Variants in PTPDC1 observed in about 807,000 individuals in gnomAD.
PTPDC1 encodes the protein protein tyrosine phosphatase domain containing 1.
Under a neutral mutation model 75.3 loss-of-function variants are expected in PTPDC1, and 53 were observed. That is an observed-to-expected ratio of 0.70 (90% CI 0.56 to 0.88). PTPDC1 has a LOEUF of 0.88. Among genes scored for constraint, PTPDC1 ranks in the 40% least tolerant of loss-of-function variants. The pLI is 0.00. For missense variants in PTPDC1, 925 were observed against 998.6 expected (o/e 0.93, Z 0.99); for synonymous variants, 349 against 366.2 (o/e 0.95, Z 0.54).
At position 94,087,892 on chromosome 9, in the gene PTPDC1, A is replaced by G; in HGVS notation, c.478A>G (p.Ile160Val). ...PSSELLEKYH[I>V]IDQFLSHGIK... ...CTCTGAGCTCCTGGAGAAGTACCAC[A>G]TCATTGATCAGTTCCTCAGGTAAAT... is the stretch of plus-strand genomic sequence containing the variant. The change falls in exon 3 of 9, where the codon ATC becomes GTC. Residue 160 changes from isoleucine (I) to valine (V), a missense_variant. Ile to Val is a conservative substitution (Grantham distance 29). Transcript: ENST00000620992. 6.2e-7 allele frequency: 1 copy of G among 1,613,722 alleles called. No individual in the cohort carries two copies. Among genetic ancestry groups the G allele is most frequent in the Non-Finnish European group, 8.5e-7 (1 of 1,179,632 alleles).
intron 2 of PTPDC1, among the ~76,000 whole-genome samples, chr9:94,067,049 A>G (rs1826332122): frequency 6.6e-6 from 1 of 152,088 alleles, no homozygotes; most frequent in South Asian, 2.1e-4. Flanking sequence ...TCCCTGCATC[A>G]GTATTACTTT....
chr9:94,046,548 C>T (rs888052378), intron 1 of PTPDC1, among the ~76,000 whole-genome samples: 5 of 152,046 alleles, frequency 3.3e-5, no homozygotes, highest in South Asian at 2.1e-4. Flanking sequence ...TTCTTCTTGA[C>T]GAGGTCCTTC....
intron 2 of PTPDC1, among the ~76,000 whole-genome samples, chr9:94,078,251 C>G (rs1337135357): frequency 6.6e-6 from 1 of 152,094 alleles, no homozygotes; most frequent in African/African-American, 2.4e-5. Flanking sequence ...CCTTTATTTC[C>G]CCTTCATTTT....
intron 2 of PTPDC1, among the ~76,000 whole-genome samples, chr9:94,071,178 G>GT (rs1213865929): frequency 2.0e-5 from 3 of 152,058 alleles, no homozygotes; most frequent in Admixed American, 6.6e-5. Context: ...CCAGCATTAG[G>GT]TTTTATCAGT....
At chr9:94,070,026 G>A (rs1322469205) in intron 2 of PTPDC1, among the ~76,000 whole-genome samples, 11 of 150,180 alleles carry the variant, frequency 7.3e-5, no homozygotes, top group Middle Eastern at 3.5e-3. Flanking sequence ...GGGTTTCACC[G>A]GTTAGCCAGG....
intron 1 of PTPDC1, among the ~76,000 whole-genome samples, chr9:94,063,327 G>A (rs932185396): frequency 2.6e-5 from 4 of 152,178 alleles, no homozygotes; most frequent in Non-Finnish European, 5.9e-5. Context: ...GGTAAAAAAT[G>A]TTTTATCTAA....
At chr9:94,056,546 C>G (rs1274923025) in intron 1 of PTPDC1, among the ~76,000 whole-genome samples, 3 of 152,170 alleles carry the variant, frequency 2.0e-5, no homozygotes, top group Non-Finnish European at 2.9e-5. Flanking sequence ...AGAGCTAGTG[C>G]TGTGAGAGTC....
rs922747429 is a variant in PTPDC1 at position 94,109,672 on chromosome 9, G to A, written c.*1728G>A. The stretch of plus-strand genomic sequence containing the variant: ...GCAAGTGACCCACAGGTCTTTTGGC[G>A]AGTTTGCTATTTGCCTGTTGAAATA... On this transcript the variant is annotated 3_prime_UTR_variant, in exon 9 of 9. Coordinates refer to ENST00000620992, the MANE Select transcript of PTPDC1 (RefSeq NM_001253829.2). 4 of 152,266 alleles carry A rather than the reference G, an allele frequency of 2.6e-5. No individual in the cohort carries two copies. Among genetic ancestry groups the A allele is most frequent in the East Asian group, 1.9e-4 (1 of 5,184 alleles). 9.4% of individuals were successfully genotyped at this position (152,266 alleles called of 1,614,324 possible). A position where few individuals can be genotyped will look rare whatever the true frequency, so the allele number is the denominator to read the frequency against.
At chr9:94,106,833 A>G (rs995795909) in intron 8 of PTPDC1, among the ~76,000 whole-genome samples, 8 of 152,184 alleles carry the variant, frequency 5.3e-5, no homozygotes, top group African/African-American at 1.9e-4. Context: ...CTGTCCTGCC[A>G]TCACTGCTAA....
At chr9:94,053,331 C>T (rs1825838750) in intron 1 of PTPDC1, among the ~76,000 whole-genome samples, 1 of 151,130 alleles carries the variant, frequency 6.6e-6, no homozygotes, top group Non-Finnish European at 1.5e-5. Flanking sequence ...TTTAATGTTG[C>T]CTGGCTTCCT....
At position 94,050,631 on chromosome 9, in the gene PTPDC1, G is replaced by A. The variant is rs535810556; in HGVS notation, c.-6-14103G>A. On this transcript the variant is annotated intron_variant, in intron 1 of 9. Coordinates refer to the PTPDC1 transcript ENST00000375360. ...GGTGTCAGACTGCCCCTACTGGGGG[G>A]TGCCTCCCAGTTAGGCTACTCAGGG... Among the ~76,000 whole-genome samples the A allele has an allele frequency of 2.0e-5, 3 of 152,332 alleles. No individual in the cohort carries two copies. The East Asian group carries it at 5.8e-4, about 29-fold the overall frequency.
chr9:94,093,675 G>C (rs1304772442), intron 4 of PTPDC1, among the ~76,000 whole-genome samples: 1 of 148,656 alleles, frequency 6.7e-6, no homozygotes, highest in Non-Finnish European at 1.5e-5. Context: ...ATCCTGCAGA[G>C]TGTTTTCCAA....
intron 6 of PTPDC1, 23 bp downstream of exon 6, chr9:94,098,602 TTATAGA>T (rs1564035755): frequency 6.4e-7 from 1 of 1,563,278 alleles, no homozygotes; most frequent in Non-Finnish European, 8.8e-7. Flanking sequence ...CTTAATTTAA[TTATAGA>T]TATGTGGGAA....
chr9:94,092,589 G>A (rs970618020), intron 4 of PTPDC1, among the ~76,000 whole-genome samples: 2 of 152,034 alleles, frequency 1.3e-5, no homozygotes, highest in South Asian at 2.1e-4. Context: ...TTCTGTAGAT[G>A]TCTATTAGGT....
intron 4 of PTPDC1, among the ~76,000 whole-genome samples, chr9:94,088,526 A>T (rs1827157627): frequency 6.6e-6 from 1 of 152,148 alleles, no homozygotes; most frequent in Admixed American, 6.5e-5. Context: ...GCCAGTCACT[A>T]TTATCTCATT....
intron 4 of PTPDC1, among the ~76,000 whole-genome samples, chr9:94,093,627 G>T (rs535948758): frequency 3.3e-5 from 5 of 151,094 alleles, no homozygotes; most frequent in African/African-American, 1.2e-4. Flanking sequence ...CTGAACATTG[G>T]CCTGCCTTGC....
rs765239328 is a variant in PTPDC1, at chr9:94,098,320, G to T, written c.1754G>T (p.Gly585Val). ...QVSHCQCKTH[G>V]VGSPGSVRQN... The stretch of plus-strand genomic sequence containing the variant: ...TCTCACTGTCAGTGTAAAACTCATG[G>T]TGTTGGGAGCCCTGGCTCTGTCAGG... Residue 585 changes from glycine (G) to valine (V), a missense_variant, in exon 6 of 9, where the codon GGT becomes GTT. Coordinates refer to ENST00000620992, the MANE Select transcript of PTPDC1 (RefSeq NM_001253829.2). The T allele has an allele frequency of 1.9e-5, 31 of 1,614,088 alleles. No individual in the cohort carries two copies. The highest frequency in any genetic ancestry group is 2.6e-5 in the Non-Finnish European group (31 of 1,180,050).
chr9:94,043,246 GT>G (rs1397310169), intron 1 of PTPDC1, among the ~76,000 whole-genome samples: 2 of 152,004 alleles, frequency 1.3e-5, no homozygotes, highest in East Asian at 3.9e-4. Context: ...GATATTGCTA[GT>G]TTTTTTAAAA....
rs763340596 is a variant in PTPDC1, at chr9:94,095,310, T to C, written c.617-7T>C. ...GTTGATTTTCTTTTCCTTTTCTTTTTTCCTAGTTTACTTCTACAATTTCGG... is the reference window on the plus strand; with the variant it reads ...GTTGATTTTCTTTTCCTTTTCTTTTCTCCTAGTTTACTTCTACAATTTCGG... On this transcript the variant is annotated splice_region_variant and splice_polypyrimidine_tract_variant and intron_variant, in intron 4 of 8. Coordinates refer to ENST00000620992, the MANE Select transcript of PTPDC1 (RefSeq NM_001253829.2). 6.3e-7 allele frequency: 1 copy of C among 1,595,302 alleles called. No individual in the cohort carries two copies. Among genetic ancestry groups the C allele is most frequent in the Non-Finnish European group, 8.5e-7 (1 of 1,172,564 alleles).
Sources: allele counts gnomAD v4.1 joint callset (sites outside exome capture counted in the v4.1 genomes callset), GRCh38; gene constraint gnomAD v4.1.1; transcripts MANE v1.5; gene names NCBI Gene and HGNC (gene_info 2026-07-23, HGNC 2026-07-21).